The following GRIN2A variants were observed in gnomAD, a reference collection of about 807,000 sequenced individuals.
GRIN2A encodes the protein glutamate receptor ionotropic, NMDA 2A.
A neutral mutation model predicts 113.4 loss-of-function variants in GRIN2A; 22 were observed. The observed-to-expected ratio is 0.19, with a 90% CI of 0.14 to 0.28. The LOEUF (loss-of-function observed/expected upper bound fraction) is 0.28. Ranked by LOEUF, GRIN2A falls within the 10% of genes least tolerant of loss-of-function variation. GRIN2A has a pLI of 1.00. For synonymous variants in GRIN2A, 827 were observed against 738.4 expected (o/e 1.12, Z -1.94); for missense variants, 1,502 against 1,887.0 (o/e 0.80, Z 3.78).
rs553753242 is a variant in GRIN2A, at chr16:10,071,362, A to G, written c.414+108636T>C. On this transcript the variant is annotated intron_variant, in intron 2 of 12. Coordinates refer to ENST00000330684, the MANE Select transcript of GRIN2A (RefSeq NM_001134407.3). ...CAGATCCAGTTGAAGTAAGGGGAAA[A>G]CCACAAAGAGTCTGTACTCTTAAAA... 6.6e-5 allele frequency among the ~76,000 whole-genome samples: 10 copies of G among 152,266 alleles called. No individual in the cohort carries two copies. The South Asian group carries it at 2.1e-3, about 32-fold the overall frequency.
At position 10,155,047 on chromosome 16, in the gene GRIN2A, C is replaced by T. The variant is rs2049660840; in HGVS notation, c.414+24951G>A. ...TCAGAGCTTTGAAGAGGCTCATGTG[C>T]ATTGTAAATATCTGAGGATCCCATG... On this transcript the variant is annotated intron_variant, in intron 2 of 12. Coordinates refer to ENST00000330684, the MANE Select transcript of GRIN2A (RefSeq NM_001134407.3). 2.6e-5 allele frequency among the ~76,000 whole-genome samples: 4 copies of T among 152,312 alleles called. No individual in the cohort carries two copies. The South Asian group carries it at 8.3e-4, about 32-fold the overall frequency.
intron 2 of GRIN2A, among the ~76,000 whole-genome samples, chr16:9,947,094 A>G (rs1328167705): frequency 2.0e-5 from 3 of 152,226 alleles, no homozygotes; most frequent in Admixed American, 1.3e-4. Flanking sequence ...GAATAATTCA[A>G]ACTACAGGGT....
At chr16:9,977,049 C>G (rs954656436) in intron 2 of GRIN2A, among the ~76,000 whole-genome samples, 1 of 152,238 alleles carries the variant, frequency 6.6e-6, no homozygotes, top group African/African-American at 2.4e-5. Context: ...CCTTCTCTAA[C>G]TGATCATAGT....
intron 3 of GRIN2A, among the ~76,000 whole-genome samples, chr16:9,904,169 A>G (rs1031948631): frequency 6.6e-6 from 1 of 152,220 alleles, no homozygotes; most frequent in Admixed American, 6.5e-5. Flanking sequence ...CTGCTATACC[A>G]AACTATCACA....
chr16:10,038,156 G>T (rs902633207), intron 2 of GRIN2A, among the ~76,000 whole-genome samples: 1 of 152,138 alleles, frequency 6.6e-6, no homozygotes, highest in Non-Finnish European at 1.5e-5. Context: ...GTCTGGTGAC[G>T]GTCAGCTTCC....
chr16:9,912,585 C>A (rs968843223), intron 3 of GRIN2A, among the ~76,000 whole-genome samples: 7 of 151,694 alleles, frequency 4.6e-5, no homozygotes, highest in South Asian at 2.1e-4. Flanking sequence ...TGCTTTGTAT[C>A]TCAGTATTGC....
At chr16:10,039,067 C>A (rs1217871252) in intron 2 of GRIN2A, among the ~76,000 whole-genome samples, 1 of 152,140 alleles carries the variant, frequency 6.6e-6, no homozygotes, top group Middle Eastern at 3.4e-3. Context: ...ACCAGGTCTG[C>A]TTCTATTTTG....
intron 2 of GRIN2A, chr16:10,111,540 A>T: frequency 2.6e-6 from 2 of 773,286 alleles, no homozygotes; most frequent in East Asian, 4.9e-5. Context: ...ACCTAACTTC[A>T]GCCCTGACCC....
intron 1 of GRIN2A, chr16:10,181,532 C>T (rs2050272307): frequency 6.6e-6 from 1 of 152,376 alleles, no homozygotes. Context: ...GGAGTCCTCA[C>T]ATGTCCTCAG....
At chr16:10,172,111 G>C (rs2050053925) in intron 2 of GRIN2A, among the ~76,000 whole-genome samples, 1 of 152,218 alleles carries the variant, frequency 6.6e-6, no homozygotes, top group Non-Finnish European at 1.5e-5. Context: ...AATTTTCAGA[G>C]CTGGAAGAGA....
At chr16:10,012,640 A>T (rs1457015009) in intron 2 of GRIN2A, among the ~76,000 whole-genome samples, 1 of 152,224 alleles carries the variant, frequency 6.6e-6, no homozygotes, top group Non-Finnish European at 1.5e-5. Flanking sequence ...GATGTGATTA[A>T]GGTAAAGATC....
chr16:9,886,098 T>G (rs2043580994), intron 4 of GRIN2A, among the ~76,000 whole-genome samples: 1 of 152,148 alleles, frequency 6.6e-6, no homozygotes, highest in African/African-American at 2.4e-5. Context: ...AATTCACAGG[T>G]GTGAGTCAAG....
At position 9,841,002 on chromosome 16, in the gene GRIN2A, G is replaced by C. The variant is rs772869148; in HGVS notation, c.1431C>G (p.Leu477=). 5.0e-6 allele frequency: 8 copies of C among 1,613,376 alleles called. No individual in the cohort carries two copies. The African/African-American group carries it at 9.3e-5, about 19-fold the overall frequency. The change falls in exon 6 of 13, where the codon CTC becomes CTG. Residue 477 remains leucine (L), a synonymous_variant. Coordinates refer to ENST00000330684, the MANE Select transcript of GRIN2A (RefSeq NM_001134407.3). ...LSRTVKFTYD[L]YLVTNGKHGK... is the part of the protein sequence containing the mutation. Reference sequence around the variant, plus strand: ...CATGCTTCCCATTGGTCACCAGATAGAGGTCGTAAGTAAACTTCACAGTTC... The same window carrying C: ...CATGCTTCCCATTGGTCACCAGATACAGGTCGTAAGTAAACTTCACAGTTC...
intron 2 of GRIN2A, 79 bp downstream of exon 2, chr16:10,179,919 G>T (rs947862247): frequency 8.9e-7 from 1 of 1,120,114 alleles, no homozygotes; most frequent in Non-Finnish European, 1.4e-6. Context: ...AGATTCTAGG[G>T]GCGTCCGAAG....
At chr16:10,143,277 G>C (rs547986196) in intron 2 of GRIN2A, among the ~76,000 whole-genome samples, 2 of 152,198 alleles carry the variant, frequency 1.3e-5, no homozygotes, top group Non-Finnish European at 2.9e-5. Flanking sequence ...CCTCCTTAAC[G>C]TGGTGTATTC....
At chr16:10,140,397 A>G (rs750703657) in intron 2 of GRIN2A, among the ~76,000 whole-genome samples, 23 of 152,266 alleles carry the variant, frequency 1.5e-4, no homozygotes, top group Non-Finnish European at 2.4e-4. Flanking sequence ...CTGGGTTCCC[A>G]AAAAGAGAGT....
At chr16:10,096,908 A>G (rs931025961) in intron 2 of GRIN2A, among the ~76,000 whole-genome samples, 1 of 152,178 alleles carries the variant, frequency 6.6e-6, no homozygotes, top group Non-Finnish European at 1.5e-5. Context: ...ATGTGGAATT[A>G]ACAATTTACT....
chr16:9,901,619 C>T (rs1384820329), intron 3 of GRIN2A, among the ~76,000 whole-genome samples: 1 of 152,102 alleles, frequency 6.6e-6, no homozygotes, highest in East Asian at 1.9e-4. Context: ...AACACCACAC[C>T]TGGCTAATTG....
intron 3 of GRIN2A, among the ~76,000 whole-genome samples, chr16:9,928,402 C>CT (rs1341005133): frequency 1.3e-5 from 2 of 152,166 alleles, no homozygotes; most frequent in Non-Finnish European, 2.9e-5. Flanking sequence ...TCGTGAGCAC[C>CT]TGCCCCTTTA....
Sources: gnomAD v4.1 joint callset for allele counts (sites outside exome capture counted in the v4.1 genomes callset) on GRCh38, gnomAD v4.1.1 for gene constraint, MANE v1.5 for transcripts, NCBI Gene and HGNC (gene_info 2026-07-23, HGNC 2026-07-21) for gene names.